Variants in MTCH2 observed in about 807,000 individuals in gnomAD.
MTCH2 encodes mitochondrial carrier homolog 2.
MTCH2 carries 25 observed loss-of-function variants against 50.6 expected under a neutral mutation model. The ratio of observed to expected loss-of-function variants is 0.49; its 90% CI spans 0.36 to 0.69. The LOEUF is 0.69. Among genes scored for constraint, MTCH2 ranks in the 30% least tolerant of loss-of-function variants. The pLI is 0.00. For synonymous variants in MTCH2, 106 were observed against 132.0 expected, an observed-to-expected ratio of 0.80 and a Z score of 1.35; for missense variants, 273 against 384.4, an observed-to-expected ratio of 0.71 and a Z score of 2.42.
intron 11 of MTCH2, among the ~76,000 whole-genome samples, chr11:47,624,384 T>C (rs2097296137): frequency 6.6e-6 from 1 of 152,080 alleles, no homozygotes; most frequent in Non-Finnish European, 1.5e-5. Context: ...AGACTAAATA[T>C]CCTAATTCTG....
At chr11:47,611,218 ATGAC>A in the MTCH2 span, among the ~76,000 whole-genome samples, 2 of 152,234 alleles carry the variant, frequency 1.3e-5, no homozygotes, top group Admixed American at 1.3e-4. Context: ...TACTCACTTA[ATGAC>A]TGACAGTTGC....
At chr11:47,627,186 TTC>T (rs1555203571) in intron 9 of MTCH2, 59 bp from the exon 10 acceptor site, 7 of 1,262,538 alleles carry the variant, frequency 5.5e-6, no homozygotes, top group South Asian at 5.5e-5. Flanking sequence ...CATCAATATA[TTC>T]TTTTTTCCTT....
chr11:47,629,220 G>A, intron 8 of MTCH2, 174 bp from the exon 9 acceptor site: 3 of 579,774 alleles, frequency 5.2e-6, no homozygotes, highest in Non-Finnish European at 9.2e-6. Flanking sequence ...CGTTAACACA[G>A]CTGTACTTGA....
chr11:47,635,904 G>C (rs986495388), intron 3 of MTCH2, among the ~76,000 whole-genome samples: 1 of 152,064 alleles, frequency 6.6e-6, no homozygotes, highest in African/African-American at 2.4e-5. Flanking sequence ...GAGGTGGGCA[G>C]ATCACCTGAG....
intron 12 of MTCH2, among the ~76,000 whole-genome samples, chr11:47,620,037 A>G (rs952056454): frequency 1.3e-5 from 2 of 152,146 alleles, no homozygotes; most frequent in South Asian, 2.1e-4. Context: ...AGATCGTGCT[A>G]TTGCACTCTA....
chr11:47,641,445 G>A (rs1326589889), intron 1 of MTCH2, among the ~76,000 whole-genome samples: 1 of 152,102 alleles, frequency 6.6e-6, no homozygotes, highest in Non-Finnish European at 1.5e-5. Flanking sequence ...ATTTTTTACA[G>A]AAAAGTAGAC....
At chr11:47,612,432 G>A (rs984005552), downstream of MTCH2, among the ~76,000 whole-genome samples, 1 of 152,170 alleles carries the variant, frequency 6.6e-6, no homozygotes, top group African/African-American at 2.4e-5. Flanking sequence ...GCCGGGCGTG[G>A]TGGCGGGCAC....
chr11:47,623,501 A>T (rs770116164), intron 11 of MTCH2, among the ~76,000 whole-genome samples: 7 of 152,154 alleles, frequency 4.6e-5, no homozygotes, highest in Non-Finnish European at 7.3e-5. Flanking sequence ...AGGTATAATC[A>T]CTTCATCTTG....
At chr11:47,621,912 C>G (rs1169877851) in intron 12 of MTCH2, among the ~76,000 whole-genome samples, 2 of 152,066 alleles carry the variant, frequency 1.3e-5, no homozygotes, top group African/African-American at 2.4e-5. Flanking sequence ...CTCTGTCACC[C>G]AGGCTGAAGT....
intron 5 of MTCH2, among the ~76,000 whole-genome samples, chr11:47,633,550 T>C (rs1367808940): frequency 1.0e-4 from 8 of 78,012 alleles, no homozygotes; most frequent in Non-Finnish European, 2.1e-4. Flanking sequence ...TTTTTTTTTT[T>C]CTTGAGATGG....
At chr11:47,636,919 A>G (rs2097309170) in intron 3 of MTCH2, among the ~76,000 whole-genome samples, 1 of 151,192 alleles carries the variant, frequency 6.6e-6, no homozygotes, top group African/African-American at 2.4e-5. Flanking sequence ...AGAAATAATT[A>G]CAAAATAAGA....
rs2097312478 is a variant in MTCH2 at position 47,639,974 on chromosome 11, G to A, written c.88-923C>T. Among the ~76,000 whole-genome samples, 7 of 152,220 alleles carry A rather than the reference G, an allele frequency of 4.6e-5. No individual in the cohort carries two copies. The South Asian group carries it at 1.4e-3, about 32-fold the overall frequency. On this transcript the variant is annotated intron_variant, in intron 1 of 12. Transcript: ENST00000302503. ...AGGATTTTTAACACTACAGATACTT[G>A]ACAGAATGAATGCTGTAGGACATAG... is the stretch of plus-strand genomic sequence containing the variant.
intron 3 of MTCH2, among the ~76,000 whole-genome samples, chr11:47,638,084 G>A (rs2097310305): frequency 6.6e-6 from 1 of 151,996 alleles, no homozygotes; most frequent in South Asian, 2.1e-4. Context: ...ATATTTCACT[G>A]GACTACATTT....
intron 11 of MTCH2, among the ~76,000 whole-genome samples, 170 bp downstream of exon 11, chr11:47,625,504 A>T (rs995866111): frequency 6.6e-6 from 1 of 152,058 alleles, no homozygotes; most frequent in Non-Finnish European, 1.5e-5. Flanking sequence ...AAAGAAAAAA[A>T]TTAGGAATCT....
intron 5 of MTCH2, 52 bp downstream of exon 5, chr11:47,634,620 A>T: frequency 1.4e-6 from 2 of 1,386,946 alleles, no homozygotes; most frequent in South Asian, 2.4e-5. Context: ...CCATAGTTGC[A>T]ACACCACAGT....
At chr11:47,625,828 C>T (rs1361157557) in intron 10 of MTCH2, 87 bp from the exon 11 acceptor site, 11 of 986,626 alleles carry the variant, frequency 1.1e-5, no homozygotes, top group East Asian at 5.0e-5. Flanking sequence ...AGTGCCACTG[C>T]GGTGAGACAC....
At chr11:47,636,132 A>G (rs2097308356) in intron 3 of MTCH2, among the ~76,000 whole-genome samples, 1 of 150,190 alleles carries the variant, frequency 6.7e-6, no homozygotes, top group Non-Finnish European at 1.5e-5. Flanking sequence ...CGTCTCAAGA[A>G]AAAAAAAAAG....
the MTCH2 span, among the ~76,000 whole-genome samples, chr11:47,605,535 C>G: frequency 1.3e-5 from 2 of 152,076 alleles, no homozygotes; most frequent in East Asian, 1.9e-4. Flanking sequence ...GAAATATTAG[C>G]TTTTCATCCC....
chr11:47,618,726 T>A lies in MTCH2; in HGVS notation c.*107A>T, dbSNP rs1482545388. The A allele has an allele frequency of 3.5e-6, 4 of 1,154,874 alleles. No individual in the cohort carries two copies. In the African/African-American group the frequency reaches 6.1e-5, roughly 18 times the overall value. The allele number at this position is 1,154,874 out of a possible 1,614,324, so 71.5% of individuals were successfully genotyped here. On this transcript the variant is annotated 3_prime_UTR_variant, in exon 13 of 13. Coordinates refer to ENST00000302503, the MANE Select transcript of MTCH2 (RefSeq NM_014342.4). ...CCAAACACCTGAATTTTCCCAAGAT[T>A]AAATGATTATTAAAAAAGCGCGCCA...
Sources: gnomAD v4.1 joint callset for allele counts (sites outside exome capture counted in the v4.1 genomes callset) on GRCh38, gnomAD v4.1.1 for gene constraint, MANE v1.5 for transcripts, NCBI Gene and HGNC (gene_info 2026-07-23, HGNC 2026-07-21) for gene names.